The following PHF21B variants were observed in gnomAD, a reference collection of about 807,000 sequenced individuals.
PHF21B encodes the protein PHD finger protein 4.
Under a neutral mutation model 62.2 loss-of-function variants are expected in PHF21B, and 22 were observed. The observed-to-expected ratio is 0.35, with a 90% CI of 0.25 to 0.51. The LOEUF (loss-of-function observed/expected upper bound fraction) is 0.51. Among genes scored for constraint, PHF21B ranks in the 20% least tolerant of loss-of-function variants. The pLI, the probability that PHF21B is intolerant of heterozygous loss-of-function variation, is 0.97. For synonymous variants in PHF21B, 341 were observed against 314.7 expected, an observed-to-expected ratio of 1.08 and a Z score of -0.88; for missense variants, 701 against 707.9, an observed-to-expected ratio of 0.99 and a Z score of 0.11.
intron 2 of PHF21B, among the ~76,000 whole-genome samples, chr22:44,970,236 A>C (rs2072611690): frequency 1.3e-5 from 2 of 152,268 alleles, no homozygotes; most frequent in South Asian, 4.1e-4. Context: ...CCATCCCTTG[A>C]AGCCAGGCTG....
In PHF21B at chr22:45,009,735, C is replaced by G. The variant is rs1001440808; in HGVS notation, c.-186G>C. On this transcript the variant is annotated 5_prime_UTR_variant, in exon 1 of 13. Coordinates refer to ENST00000313237, the MANE Select transcript of PHF21B (RefSeq NM_138415.5). The surrounding 1 kb of genome is among the most constrained non-coding windows in gnomAD (Gnocchi z 5.9). ...GCGAAGGGGAAGACAGGCTTCCGGG[C>G]GCCGCGGCGCCGAGCCCTCGGCTGC... 2 of 491,382 alleles carry G rather than the reference C, an allele frequency of 4.1e-6. No homozygotes were observed. Among genetic ancestry groups the G allele is most frequent in the Non-Finnish European group, 3.5e-6 (1 of 289,148 alleles). 30.4% of individuals were successfully genotyped at this position (491,382 alleles called of 1,614,324 possible).
intron 12 of PHF21B, among the ~76,000 whole-genome samples, chr22:44,884,119 CCATCATGAT>C (rs879398974): frequency 0.19 from 27,994 of 144,868 alleles, 7,090 homozygotes; most frequent in Non-Finnish European, 0.28. Flanking sequence ...AGCACCATCA[CCATCATGAT>C]CACCATTATC....
intron 4 of PHF21B, 40 bp downstream of exon 4, chr22:44,916,240 G>C (rs113573009): frequency 7.6e-6 from 12 of 1,575,596 alleles, no homozygotes; most frequent in Non-Finnish European, 1.0e-5. Context: ...TCCTGTATGC[G>C]GCCGCACACC....
intron 4 of PHF21B, 50 bp from the exon 5 acceptor site, chr22:44,914,138 G>A (rs761137809): frequency 3.5e-6 from 2 of 576,626 alleles, no homozygotes; most frequent in Non-Finnish European, 6.1e-6. Flanking sequence ...AGTGAGGGGG[G>A]CTGGGGAGGT....
chr22:44,985,721 G>C (rs1387856361), intron 2 of PHF21B, among the ~76,000 whole-genome samples: 1 of 152,160 alleles, frequency 6.6e-6, no homozygotes, highest in Non-Finnish European at 1.5e-5. Flanking sequence ...AAGCAACATG[G>C]AAAACACTTT....
chr22:44,895,308 G>A (rs190056894), intron 6 of PHF21B, among the ~76,000 whole-genome samples: 3 of 152,246 alleles, frequency 2.0e-5, no homozygotes, highest in Admixed American at 2.0e-4. Context: ...CTAGGATGAC[G>A]TTCACAGCTC....
At chr22:44,887,939 A>AG (rs2070889052) in intron 10 of PHF21B, 24 bp downstream of exon 10, 1 of 1,443,272 alleles carries the variant, frequency 6.9e-7, no homozygotes, top group East Asian at 2.6e-5. Flanking sequence ...GTCTGGGGTG[A>AG]GGGGGTCACA....
chr22:44,986,840 G>A (rs2072958618), intron 2 of PHF21B, among the ~76,000 whole-genome samples: 1 of 151,660 alleles, frequency 6.6e-6, no homozygotes, highest in Admixed American at 6.6e-5. Context: ...GAGAGGGCAG[G>A]TGCAGGCGGG....
intron 5 of PHF21B, among the ~76,000 whole-genome samples, chr22:44,899,854 G>A (rs2071126669): frequency 1.3e-5 from 2 of 152,120 alleles, no homozygotes; most frequent in South Asian, 2.1e-4. Context: ...CTGCTGCAAT[G>A]CCAAATTCTC....
At chr22:44,886,204 CGAAT>C (rs752464299) in intron 10 of PHF21B, among the ~76,000 whole-genome samples, 4 of 152,010 alleles carry the variant, frequency 2.6e-5, no homozygotes, top group Non-Finnish European at 5.9e-5. Context: ...CTCGAACGAA[CGAAT>C]GATCACCTGT....
chr22:44,993,082 G>A (rs1416537953), intron 2 of PHF21B, among the ~76,000 whole-genome samples: 2 of 152,190 alleles, frequency 1.3e-5, no homozygotes, highest in Non-Finnish European at 2.9e-5. Flanking sequence ...CAAGGCATCA[G>A]GTACAGGGAG....
intron 2 of PHF21B, among the ~76,000 whole-genome samples, chr22:44,934,815 C>G (rs1351210972): frequency 6.6e-6 from 1 of 152,216 alleles, no homozygotes; most frequent in Admixed American, 6.5e-5. Flanking sequence ...GGCCACATCG[C>G]CTGTCCCTGT....
At chr22:44,887,755 A>T (rs1288358312) in intron 10 of PHF21B, among the ~76,000 whole-genome samples, 1 of 92,302 alleles carries the variant, frequency 1.1e-5, no homozygotes, top group Non-Finnish European at 2.0e-5. Context: ...ACTCTGTCTC[A>T]AAAAAAAAAA....
chr22:44,895,201 G>A (rs909329901), intron 6 of PHF21B, among the ~76,000 whole-genome samples: 4 of 152,152 alleles, frequency 2.6e-5, no homozygotes, highest in Admixed American at 2.0e-4. Context: ...AACTGGCCCT[G>A]GGACCCTGGG....
In PHF21B at chr22:44,882,887, A is replaced by C; in HGVS notation, c.*199T>G. On this transcript the variant is annotated 3_prime_UTR_variant, in exon 13 of 13. Coordinates refer to ENST00000313237, the MANE Select transcript of PHF21B (RefSeq NM_138415.5). ...CCTGGCTCCTAGGTACCCCCTGTGA[A>C]TTTGGAGGGCACAGGGCCGCACCCC... 1 of 597,924 alleles carries C rather than the reference A, an allele frequency of 1.7e-6. No homozygotes were observed. The allele number at this position is 597,924 out of a possible 1,614,324, so 37.0% of individuals were successfully genotyped here. A position where few individuals can be genotyped will look rare whatever the true frequency, so the allele number is the denominator to read the frequency against.
intron 2 of PHF21B, among the ~76,000 whole-genome samples, chr22:44,991,241 C>A (rs765833331): frequency 1.3e-5 from 2 of 152,150 alleles, no homozygotes; most frequent in East Asian, 3.8e-4. Context: ...TTGATGTGCA[C>A]GCTATTAAGA....
chr22:45,006,581 A>G (rs2073317842), intron 2 of PHF21B, among the ~76,000 whole-genome samples: 1 of 152,232 alleles, frequency 6.6e-6, no homozygotes, highest in Non-Finnish European at 1.5e-5. Flanking sequence ...CTATCATCAT[A>G]AAAATTTAAA....
intron 5 of PHF21B, among the ~76,000 whole-genome samples, chr22:44,901,174 C>A (rs889795028): frequency 2.6e-5 from 4 of 152,192 alleles, no homozygotes; most frequent in African/African-American, 9.7e-5. Context: ...TCTGGTGCCA[C>A]CTGGTTCAAA....
intron 5 of PHF21B, among the ~76,000 whole-genome samples, chr22:44,913,421 C>A (rs948686759): frequency 6.6e-6 from 1 of 152,218 alleles, no homozygotes; most frequent in Non-Finnish European, 1.5e-5. Context: ...CCACCAGGTG[C>A]TGTCCAGGGG....
Sources: gnomAD v4.1 joint callset for allele counts (sites outside exome capture counted in the v4.1 genomes callset) on GRCh38, gnomAD v4.1.1 for gene constraint, Gnocchi (gnomAD v3.1) non-coding constraint, MANE v1.5 for transcripts, NCBI Gene and HGNC (gene_info 2026-07-23, HGNC 2026-07-21) for gene names.